GPSM2: variants seen among roughly 807,000 people sequenced by gnomAD.
GPSM2 encodes the protein G protein-signaling modulator 2.
Under a neutral mutation model 78.4 loss-of-function variants are expected in GPSM2, and 58 were observed. The observed-to-expected ratio is 0.74, with a 90% CI of 0.60 to 0.92. The LOEUF (loss-of-function observed/expected upper bound fraction) is 0.92, where lower values mean the gene tolerates loss of function less well. Ranked by LOEUF, GPSM2 falls within the 40% of genes least tolerant of loss-of-function variation. The pLI, the probability that GPSM2 is intolerant of heterozygous loss-of-function variation, is 0.00. For missense variants in GPSM2, 700 were observed against 815.5 expected, an observed-to-expected ratio of 0.86 and a Z score of 1.73; for synonymous variants, 224 against 280.2, an observed-to-expected ratio of 0.80 and a Z score of 2.00.
At chr1:108,901,411 A>G (rs1648814087) in intron 7 of GPSM2, among the ~76,000 whole-genome samples, 3 of 152,216 alleles carry the variant, frequency 2.0e-5, no homozygotes, top group Admixed American at 1.3e-4. Flanking sequence ...AGGTGACGGT[A>G]TGATTGAAAA....
chr1:108,891,172 T>A (rs6664334), intron 2 of GPSM2, among the ~76,000 whole-genome samples: 4,875 of 152,292 alleles, frequency 0.032, 141 homozygotes, highest in Non-Finnish European at 0.043. Flanking sequence ...TTGTGTTTCT[T>A]TGGAAAATGT....
At chr1:108,913,224 A>T (rs536049322) in intron 10 of GPSM2, among the ~76,000 whole-genome samples, 1 of 152,194 alleles carries the variant, frequency 6.6e-6, no homozygotes, top group Admixed American at 6.5e-5. Context: ...TACCCACCAA[A>T]CTAGAAGAAA....
At position 108,924,201 on chromosome 1, in the gene GPSM2, T is replaced by C; in HGVS notation, c.1802T>C (p.Leu601Pro). Residue 601 changes from leucine to proline, a missense_variant, in exon 14 of 15, where the codon CTT (leucine) becomes CCT (proline). Coordinates refer to ENST00000264126, the MANE Select transcript of GPSM2 (RefSeq NM_013296.5). ...KEADEDFFDI[L>P]VKCQGSRLDD... ...GCTGATGAAGATTTCTTTGACATCC[T>C]TGTAAAATGTCAAGTATGTCTGTAT... 6.2e-7 allele frequency: 1 copy of C among 1,607,492 alleles called. No homozygotes were observed. Among genetic ancestry groups the C allele is most frequent in the Non-Finnish European group, 8.5e-7 (1 of 1,173,952 alleles).
At chr1:108,910,692 G>A (rs929614703) in intron 10 of GPSM2, among the ~76,000 whole-genome samples, 1 of 151,870 alleles carries the variant, frequency 6.6e-6, no homozygotes, top group Non-Finnish European at 1.5e-5. Context: ...GTGAAACCCC[G>A]TCTCTACCAA....
intron 13 of GPSM2, 29 bp from the exon 14 acceptor site, chr1:108,923,971 A>T (rs755009095): frequency 6.8e-7 from 1 of 1,462,564 alleles, no homozygotes; most frequent in South Asian, 1.1e-5. Context: ...GTTTTTTTTT[A>T]ATCTTTGGCT....
chr1:108,898,455 T>C (rs1005609059), intron 5 of GPSM2, among the ~76,000 whole-genome samples, 187 bp from the exon 6 acceptor site: 1 of 152,200 alleles, frequency 6.6e-6, no homozygotes, highest in Non-Finnish European at 1.5e-5. Context: ...ATCTGAATAG[T>C]TTAATAAAGT....
chr1:108,924,417 T>A lies in GPSM2; in HGVS notation c.1815+203T>A, dbSNP rs1650974781. On this transcript the variant is annotated intron_variant, in intron 14 of 14. Transcript: ENST00000264126. The stretch of plus-strand genomic sequence containing the variant: ...GGACACACTTGATTTTTAAAGGATC[T>A]TACATTTTAGGAGAGACGTGTGTGT... 29 of 637,702 alleles carry A rather than the reference T, an allele frequency of 4.5e-5. No individual in the cohort carries two copies. In the South Asian group the frequency reaches 5.0e-4, roughly 11 times the overall value. The allele number at this position is 637,702 out of a possible 1,614,324, so 39.5% of individuals were successfully genotyped here. A position where few individuals can be genotyped will look rare whatever the true frequency, so the allele number is the denominator to read the frequency against.
rs1488762548 is a variant in GPSM2 at position 108,932,798 on chromosome 1, T to C, written c.*2858T>C. The C allele has an allele frequency of 6.6e-6, 1 of 152,210 alleles. No homozygotes were observed. The highest frequency in any genetic ancestry group is 2.4e-5 in the African/African-American group (1 of 41,434). The allele number at this position is 152,210 out of a possible 1,614,324, so 9.4% of individuals were successfully genotyped here. A position where few individuals can be genotyped will look rare whatever the true frequency, so the allele number is the denominator to read the frequency against. On this transcript the variant is annotated 3_prime_UTR_variant, in exon 15 of 15. Coordinates refer to ENST00000264126, the MANE Select transcript of GPSM2 (RefSeq NM_013296.5). ...TGTCAGGATTCATTTGTTAAACATG[T>C]CCTCTGTGTTAAAAATCCTAAAATC...
In GPSM2 at chr1:108,898,044, T is replaced by G. The variant is rs769615980; in HGVS notation, c.500T>G (p.Val167Gly). Residue 167 changes from valine (V) to glycine (G), a missense_variant, in exon 5 of 15, where the codon GTA (valine) becomes GGA (glycine). Coordinates refer to ENST00000264126, the MANE Select transcript of GPSM2 (RefSeq NM_013296.5). ...TTTGGTTGCCCTGGTCCCCAGGATGTAGGAGAATTTCCAGAAGAAGTGAGA... is the reference window on the plus strand; with the variant it reads ...TTTGGTTGCCCTGGTCCCCAGGATGGAGGAGAATTTCCAGAAGAAGTGAGA... ...KSFGCPGPQD[V>G]GEFPEEVRDA... is the part of the protein sequence containing the mutation. 6.2e-7 allele frequency: 1 copy of G among 1,614,046 alleles called. No homozygotes were observed. The highest frequency in any genetic ancestry group is 8.5e-7 in the Non-Finnish European group (1 of 1,179,912).
In GPSM2 at chr1:108,896,961, C is replaced by G. The variant is rs748331991; in HGVS notation, c.154C>G (p.Gln52Glu). Residue 52 changes from glutamine (Q) to glutamate (E), a missense_variant, in exon 3 of 15, where the codon CAA becomes GAA. By Grantham distance (29) the Gln-to-Glu change is conservative. Transcript: ENST00000264126. ...CGTGTCATTCTTTGAAGCTGCAGTTCAAGTTGGAACTGAAGACCTAAAAAC... is the reference window on the plus strand; with the variant it reads ...CGTGTCATTCTTTGAAGCTGCAGTTGAAGTTGGAACTGAAGACCTAAAAAC... ...AGVSFFEAAV[Q>E]VGTEDLKTLS... 7 of 1,613,940 alleles carry G rather than the reference C, an allele frequency of 4.3e-6. No individual in the cohort carries two copies. Among genetic ancestry groups the G allele is most frequent in the Non-Finnish European group, 5.1e-6 (6 of 1,179,908 alleles).
intron 5 of GPSM2, 98 bp downstream of exon 5, chr1:108,898,199 G>A: frequency 8.2e-7 from 1 of 1,221,474 alleles, no homozygotes; most frequent in African/African-American, 1.5e-5. Flanking sequence ...GTTTGGCAAA[G>A]ATTTTAAAGT....
intron 13 of GPSM2, among the ~76,000 whole-genome samples, chr1:108,923,347 TA>T (rs1650878787): frequency 4.6e-5 from 7 of 151,990 alleles, no homozygotes; most frequent in Admixed American, 4.6e-4. Flanking sequence ...ATATAACTTT[TA>T]AAAATAAAAA....
intron 2 of GPSM2, among the ~76,000 whole-genome samples, chr1:108,892,585 G>C (rs1398871291): frequency 2.0e-5 from 3 of 152,152 alleles, no homozygotes; most frequent in African/African-American, 7.2e-5. Flanking sequence ...AGGAAACTTT[G>C]TATGTGGGAT....
chr1:108,877,740 A>G (rs1370675906), intron 1 of GPSM2: 2 of 152,134 alleles, frequency 1.3e-5, no homozygotes, highest in Non-Finnish European at 2.9e-5. Context: ...CAACTGGTCG[A>G]TTTACCATAG....
At chr1:108,890,458 T>C (rs1647890674) in intron 2 of GPSM2, among the ~76,000 whole-genome samples, 1 of 152,240 alleles carries the variant, frequency 6.6e-6, no homozygotes, top group African/African-American at 2.4e-5. Context: ...AGATCAAACA[T>C]GGTTGCACTT....
Position 108,931,451 on chromosome 1 carries a change from C to CTTGT in GPSM2, c.*1514_*1517dup. 3 of 1,550,858 alleles carry CTTGT rather than the reference C, an allele frequency of 1.9e-6. No homozygotes were observed. The highest frequency in any genetic ancestry group is 2.4e-5 in the East Asian group (1 of 40,908). On this transcript the variant is annotated 3_prime_UTR_variant, in exon 15 of 15. Coordinates refer to ENST00000264126, the MANE Select transcript of GPSM2 (RefSeq NM_013296.5). ...GCCCACGCTTGGAACAAGTTGCCAA[C>CTTGT]TTGTTTCACTCTGCTTGCTTCAGAC...
intron 13 of GPSM2, 102 bp from the exon 14 acceptor site, chr1:108,923,898 G>A: frequency 1.2e-6 from 1 of 846,544 alleles, no homozygotes; most frequent in Non-Finnish European, 2.0e-6. Flanking sequence ...CTTGGGACTG[G>A]CAAGGCCGAA....
intron 10 of GPSM2, among the ~76,000 whole-genome samples, chr1:108,906,118 T>C (rs1231614168): frequency 6.6e-6 from 1 of 152,220 alleles, no homozygotes; most frequent in Non-Finnish European, 1.5e-5. Context: ...CCATAATGTT[T>C]TCTCCTAAAC....
chr1:108,889,903 T>C (rs1647849095), intron 2 of GPSM2, among the ~76,000 whole-genome samples: 1 of 152,214 alleles, frequency 6.6e-6, no homozygotes, highest in African/African-American at 2.4e-5. Flanking sequence ...CCTTACTTCC[T>C]GCCATTCTTC....
Sources: allele counts gnomAD v4.1 joint callset (sites outside exome capture counted in the v4.1 genomes callset), GRCh38; gene constraint gnomAD v4.1.1; transcripts MANE v1.5; gene names NCBI Gene and HGNC (gene_info 2026-07-23, HGNC 2026-07-21).